Variants in CCSER1 observed in about 807,000 individuals in gnomAD.
The protein encoded by CCSER1 is coiled-coil serine rich protein 1, also known as serine-rich coiled-coil domain-containing protein 1.
Under a neutral mutation model 82.0 loss-of-function variants are expected in CCSER1, and 41 were observed. The ratio of observed to expected loss-of-function variants is 0.50; its 90% confidence interval spans 0.39 to 0.65. The LOEUF (loss-of-function observed/expected upper bound fraction) is 0.65, where lower values mean the gene tolerates loss of function less well. CCSER1 is among the 30% of genes least tolerant of loss of function. The probability of loss-of-function intolerance (pLI) is 0.00; values close to 1 mark genes in which losing one functional copy is unlikely to be tolerated. For missense variants in CCSER1, 1,119 were observed against 1,064.2 expected, an observed-to-expected ratio of 1.05 and a Z score of -0.72; for synonymous variants, 414 against 383.9, an observed-to-expected ratio of 1.08 and a Z score of -0.92.
intron 3 of CCSER1, among the ~76,000 whole-genome samples, chr4:90,395,716 T>C (rs1298986980): frequency 6.6e-6 from 1 of 151,914 alleles, no homozygotes. Flanking sequence ...AATATGGGTG[T>C]CCTCTCACAA....
chr4:90,183,034 A>G (rs1167267258), intron 1 of CCSER1, among the ~76,000 whole-genome samples: 2 of 151,996 alleles, frequency 1.3e-5, no homozygotes, highest in Non-Finnish European at 2.9e-5. Flanking sequence ...AATTTTCTCA[A>G]TTGGTATAAT....
intron 5 of CCSER1, among the ~76,000 whole-genome samples, chr4:90,470,276 C>G (rs1449795004): frequency 6.6e-6 from 1 of 152,034 alleles, no homozygotes; most frequent in African/African-American, 2.4e-5. Flanking sequence ...TTTTAAATAT[C>G]TCCTAAAATA....
intron 10 of CCSER1, among the ~76,000 whole-genome samples, chr4:91,307,129 A>C (rs186059805): frequency 1.3e-5 from 2 of 151,968 alleles, no homozygotes; most frequent in Admixed American, 1.3e-4. Flanking sequence ...TAGGTACCCA[A>C]TGATTTTTGA....
intron 4 of CCSER1, among the ~76,000 whole-genome samples, chr4:90,419,298 T>C (rs1756322146): frequency 6.6e-6 from 1 of 151,930 alleles, no homozygotes; most frequent in Admixed American, 6.6e-5. Context: ...TGCCATTAGA[T>C]GGCAATCTTG....
At chr4:90,359,115 A>G (rs1011514974) in intron 3 of CCSER1, among the ~76,000 whole-genome samples, 1 of 152,196 alleles carries the variant, frequency 6.6e-6, no homozygotes, top group African/African-American at 2.4e-5. Flanking sequence ...TGTTGCTGAA[A>G]GAGATTAACA....
intron 9 of CCSER1, among the ~76,000 whole-genome samples, chr4:91,020,805 T>G (rs1178683481): frequency 6.6e-6 from 1 of 152,226 alleles, no homozygotes; most frequent in Non-Finnish European, 1.5e-5. Flanking sequence ...GAAATAAGTA[T>G]CCAAGGTACT....
intron 1 of CCSER1, among the ~76,000 whole-genome samples, chr4:90,129,246 GGGTCA>G (rs1226155529): frequency 6.6e-6 from 1 of 152,184 alleles, no homozygotes; most frequent in Non-Finnish European, 1.5e-5. Context: ...ACCTAGGTGG[GGGTCA>G]GTTATCACTG....
chr4:90,244,881 T>C (rs974353422), intron 1 of CCSER1, among the ~76,000 whole-genome samples: 5 of 152,152 alleles, frequency 3.3e-5, no homozygotes, highest in African/African-American at 7.2e-5. Context: ...AGAGGTATCA[T>C]AGACAGGTGA....
At chr4:90,230,536 A>C (rs1268350797) in intron 1 of CCSER1, among the ~76,000 whole-genome samples, 1 of 152,060 alleles carries the variant, frequency 6.6e-6, no homozygotes, top group African/African-American at 2.4e-5. Context: ...TCCAAAATTG[A>C]CACCCTAACA....
At chr4:90,274,713 T>A (rs1727221592) in intron 1 of CCSER1, among the ~76,000 whole-genome samples, 2 of 152,150 alleles carry the variant, frequency 1.3e-5, no homozygotes, top group African/African-American at 4.8e-5. Flanking sequence ...CACTTGACCA[T>A]CTTGGTCCCA....
intron 3 of CCSER1, among the ~76,000 whole-genome samples, chr4:90,322,986 C>A (rs999988869): frequency 6.6e-6 from 1 of 152,182 alleles, no homozygotes; most frequent in Non-Finnish European, 1.5e-5. Context: ...GTGAATCCTG[C>A]CAGGTCTGGA....
At chr4:90,932,681 A>G (rs1729977187) in intron 9 of CCSER1, among the ~76,000 whole-genome samples, 1 of 151,236 alleles carries the variant, frequency 6.6e-6, no homozygotes, top group Non-Finnish European at 1.5e-5. Context: ...TATAAAAATT[A>G]GCCTGGCGTT....
intron 3 of CCSER1, among the ~76,000 whole-genome samples, chr4:90,375,854 G>A (rs1188041385): frequency 6.6e-6 from 1 of 152,172 alleles, no homozygotes; most frequent in Non-Finnish European, 1.5e-5. Flanking sequence ...ACCTGAGGCA[G>A]TCCCTCCAAA....
chr4:91,009,362 C>G (rs573133500), intron 9 of CCSER1, among the ~76,000 whole-genome samples: 7 of 152,090 alleles, frequency 4.6e-5, no homozygotes, highest in Non-Finnish European at 8.8e-5. Context: ...ATTTCTTTAC[C>G]TCCTGTTTTT....
rs540140186 is a variant in CCSER1, at chr4:90,423,917, T to C, written c.1603+23788T>C. On this transcript the variant is annotated intron_variant, in intron 4 of 10. Transcript: ENST00000509176. The stretch of plus-strand genomic sequence containing the variant: ...AGGAGATCGAAACCATGGTGAAACC[T>C]TGTCTCTACTAAAAATACAAAAAAT... Among the ~76,000 whole-genome samples, 643 of 151,782 alleles carry C rather than the reference T, an allele frequency of 4.2e-3. 6 individuals are homozygous for C. The highest frequency in any genetic ancestry group is 0.015 in the African/African-American group (619 of 41,522).
intron 1 of CCSER1, among the ~76,000 whole-genome samples, chr4:90,234,503 G>A (rs1035279232): frequency 1.3e-5 from 2 of 152,048 alleles, no homozygotes. Context: ...AGGCTTGAGC[G>A]ACTGCGCCTG....
At chr4:90,371,700 G>C (rs114579266) in intron 3 of CCSER1, among the ~76,000 whole-genome samples, 2,223 of 152,204 alleles carry the variant, frequency 0.015, 73 homozygotes, top group African/African-American at 0.05. Flanking sequence ...TGGACAAACA[G>C]ACTTGGTTAA....
At chr4:90,748,196 C>T (rs1580282004) in intron 7 of CCSER1, among the ~76,000 whole-genome samples, 7 of 103,366 alleles carry the variant, frequency 6.8e-5, no homozygotes, top group South Asian at 4.2e-4. Flanking sequence ...CTCCCCCCAC[C>T]CCACAATAGT....
intron 7 of CCSER1, among the ~76,000 whole-genome samples, chr4:90,760,867 A>G (rs912079609): frequency 7.2e-5 from 11 of 152,104 alleles, no homozygotes; most frequent in Admixed American, 1.3e-4. Context: ...TGGCATATAC[A>G]GGGAGCAAAC....
Sources: allele counts gnomAD v4.1 joint callset (sites outside exome capture counted in the v4.1 genomes callset), GRCh38; gene constraint gnomAD v4.1.1; transcripts MANE v1.5; gene names NCBI Gene and HGNC (gene_info 2026-07-23, HGNC 2026-07-21).